The following ACSL3 variants were observed in gnomAD, a reference collection of about 807,000 sequenced individuals.
The protein encoded by ACSL3 is fatty acid CoA ligase Acsl3.
In ACSL3, 34 loss-of-function variants were observed where a neutral mutation model predicts 84.7. The ratio of observed to expected loss-of-function variants is 0.40; its 90% CI spans 0.31 to 0.53. The LOEUF (loss-of-function observed/expected upper bound fraction) is 0.53. ACSL3 is among the 20% of genes least tolerant of loss of function. The pLI, the probability that ACSL3 is intolerant of heterozygous loss-of-function variation, is 0.48. For synonymous variants in ACSL3, 315 were observed against 299.4 expected, an observed-to-expected ratio of 1.05 and a Z score of -0.54; for missense variants, 680 against 873.1, an observed-to-expected ratio of 0.78 and a Z score of 2.79.
intron 3 of ACSL3, among the ~76,000 whole-genome samples, chr2:222,903,406 T>C (rs1292792967): frequency 6.6e-6 from 1 of 152,244 alleles, no homozygotes; most frequent in African/African-American, 2.4e-5. Context: ...CCTCCCAAAG[T>C]CCTGGGATTA....
At chr2:222,885,445 A>T (rs1425342553) in intron 1 of ACSL3, among the ~76,000 whole-genome samples, 1 of 152,184 alleles carries the variant, frequency 6.6e-6, no homozygotes, top group Non-Finnish European at 1.5e-5. Flanking sequence ...TTTCCTTGAT[A>T]ATTAATGAGG....
chr2:222,938,331 T>G (rs1280597245), intron 16 of ACSL3, among the ~76,000 whole-genome samples: 1 of 152,178 alleles, frequency 6.6e-6, no homozygotes, highest in Non-Finnish European at 1.5e-5. Context: ...CTATCATTAT[T>G]TTTTGTAGGA....
chr2:222,922,062 C>T (rs564147227), intron 8 of ACSL3, among the ~76,000 whole-genome samples: 8 of 152,150 alleles, frequency 5.3e-5, no homozygotes, highest in Non-Finnish European at 1.0e-4. Context: ...ATGTCTCTTA[C>T]GTATGCATAC....
chr2:222,919,985 G>A (rs769927141), intron 7 of ACSL3, among the ~76,000 whole-genome samples: 19 of 152,140 alleles, frequency 1.2e-4, no homozygotes, highest in Admixed American at 7.2e-4. Context: ...AACAGGGAAT[G>A]GTGGCTTCAG....
chr2:222,906,800 A>G (rs1048086217), intron 3 of ACSL3, among the ~76,000 whole-genome samples: 12 of 152,042 alleles, frequency 7.9e-5, no homozygotes, highest in Non-Finnish European at 1.3e-4. Context: ...TTTTTAGTAG[A>G]GACGGGGTTT....
chr2:222,919,010 T>C (rs1447285366), intron 6 of ACSL3, 54 bp from the exon 7 acceptor site: 8 of 1,592,664 alleles, frequency 5.0e-6, no homozygotes, highest in East Asian at 2.3e-5. Flanking sequence ...AGTATTCTTA[T>C]TCGCTAAGCT....
intron 3 of ACSL3, among the ~76,000 whole-genome samples, chr2:222,903,609 TTA>T (rs1696212752): frequency 1.3e-5 from 2 of 152,086 alleles, no homozygotes; most frequent in South Asian, 2.1e-4. Flanking sequence ...TTGAAAAGAG[TTA>T]TATGAGTCAT....
At chr2:222,886,289 A>G (rs970015639) in intron 1 of ACSL3, among the ~76,000 whole-genome samples, 6 of 151,932 alleles carry the variant, frequency 3.9e-5, no homozygotes, top group East Asian at 1.9e-4. Context: ...ATGTGTTCTC[A>G]TTCTTCAACT....
In ACSL3 at chr2:222,942,165, A is replaced by G. The variant is rs1697328704; in HGVS notation, c.*511A>G. On this transcript the variant is annotated 3_prime_UTR_variant, in exon 17 of 17. Coordinates refer to ENST00000357430, the MANE Select transcript of ACSL3 (RefSeq NM_004457.5). ...TGAACAAAAGATTTGTTGCTGTGTAATTATTGTCTTGTATGCATTTGAGAG... is the reference window on the plus strand; with the variant it reads ...TGAACAAAAGATTTGTTGCTGTGTAGTTATTGTCTTGTATGCATTTGAGAG... 5.0e-6 allele frequency: 1 copy of G among 198,264 alleles called. No individual in the cohort carries two copies. Among genetic ancestry groups the G allele is most frequent in the South Asian group, 1.9e-4 (1 of 5,234 alleles). The allele number at this position is 198,264 out of a possible 1,614,324, so 12.3% of individuals were successfully genotyped here.
At chr2:222,940,347 A>G (rs1697269840) in intron 16 of ACSL3, among the ~76,000 whole-genome samples, 1 of 152,202 alleles carries the variant, frequency 6.6e-6, no homozygotes, top group Non-Finnish European at 1.5e-5. Context: ...ATAAAGGAAA[A>G]GGTGAATTTC....
intron 4 of ACSL3, among the ~76,000 whole-genome samples, chr2:222,914,780 T>A (rs1696532543): frequency 6.6e-6 from 1 of 152,214 alleles, no homozygotes; most frequent in Admixed American, 6.5e-5. Flanking sequence ...ATTAGAAACT[T>A]TTCCAGCACA....
chr2:222,869,955 G>C (rs1006250396), intron 1 of ACSL3, among the ~76,000 whole-genome samples: 5 of 152,176 alleles, frequency 3.3e-5, no homozygotes, highest in Non-Finnish European at 7.3e-5. Context: ...TAGAAAGGGA[G>C]AACTAGCAGC....
chr2:222,881,920 T>G (rs1695600164), intron 1 of ACSL3, among the ~76,000 whole-genome samples: 1 of 152,228 alleles, frequency 6.6e-6, no homozygotes, highest in Admixed American at 6.5e-5. Context: ...GTGAAGCATC[T>G]TTTCACTCAG....
chr2:222,867,582 A>G (rs1695184306), intron 1 of ACSL3, among the ~76,000 whole-genome samples: 4 of 152,176 alleles, frequency 2.6e-5, no homozygotes, highest in Admixed American at 2.6e-4. Flanking sequence ...GGTTTCATGA[A>G]TTGAGTTTCA....
chr2:222,888,823 A>C (rs1695779071), intron 2 of ACSL3, among the ~76,000 whole-genome samples: 1 of 152,138 alleles, frequency 6.6e-6, no homozygotes, highest in African/African-American at 2.4e-5. Context: ...TCTTTTAATG[A>C]AGTAGATGTG....
chr2:222,873,331 T>TA (rs146329579), intron 1 of ACSL3, among the ~76,000 whole-genome samples: 12,240 of 152,254 alleles, frequency 0.08, 566 homozygotes, highest in Middle Eastern at 0.13. Context: ...TATTATTTCA[T>TA]AATTCCATAG....
rs147405641 is a variant in ACSL3, at chr2:222,931,237, T to C, written c.1732+425T>C. 4.0e-4 allele frequency among the ~76,000 whole-genome samples: 61 copies of C among 152,236 alleles called. No homozygotes were observed. In the East Asian group the frequency reaches 7.7e-3, roughly 19 times the overall value. Reference sequence around the variant, plus strand: ...GCTTCTCCTTTTAGGTTCTTTTTTTTTAAAAGTTAATGGCATTTCAGTTAG... The same window carrying C: ...GCTTCTCCTTTTAGGTTCTTTTTTTCTAAAAGTTAATGGCATTTCAGTTAG... On this transcript the variant is annotated intron_variant, in intron 14 of 16. Coordinates refer to ENST00000357430, the MANE Select transcript of ACSL3 (RefSeq NM_004457.5).
At position 222,928,847 on chromosome 2, in the gene ACSL3, T is replaced by G; in HGVS notation, c.1466-15T>G. 1.2e-6 allele frequency: 2 copies of G among 1,607,212 alleles called. No homozygotes were observed. The highest frequency in any genetic ancestry group is 2.2e-5 in the South Asian group (2 of 90,590). ...CTACTGTTCTCAAATATCCTTTTTT[T>G]CATTTAATTCCTAGTGTGGGACTAC... On this transcript the variant is annotated splice_polypyrimidine_tract_variant and intron_variant, in intron 12 of 16. Transcript: ENST00000357430.
At chr2:222,915,204 C>A (rs920311984) in intron 4 of ACSL3, among the ~76,000 whole-genome samples, 1 of 152,170 alleles carries the variant, frequency 6.6e-6, no homozygotes, top group East Asian at 1.9e-4. Context: ...CATTGGAGCT[C>A]CCTGTGCTGA....
Sources: gnomAD v4.1 joint callset for allele counts (sites outside exome capture counted in the v4.1 genomes callset) on GRCh38, gnomAD v4.1.1 for gene constraint, MANE v1.5 for transcripts, NCBI Gene and HGNC (gene_info 2026-07-23, HGNC 2026-07-21) for gene names.